The following ARCN1 variants were observed in gnomAD, a reference collection of about 807,000 sequenced individuals.
The protein encoded by ARCN1 is archain 1 coat protein complex I subunit delta, also known as coatomer subunit delta.
In ARCN1, 5 loss-of-function variants were observed where a neutral mutation model predicts 60.4. The observed-to-expected ratio is 0.08, with a 90% CI of 0.04 to 0.17. ARCN1 has a LOEUF of 0.17. Ranked by LOEUF, ARCN1 falls within the 10% of genes least tolerant of loss-of-function variation. The pLI, the probability that ARCN1 is intolerant of heterozygous loss-of-function variation, is 1.00. For missense variants in ARCN1, 464 were observed against 626.5 expected (o/e 0.74, Z 2.77); for synonymous variants, 224 against 220.0 (o/e 1.02, Z -0.16).
rs1555075200 is a variant in ARCN1 at position 118,584,638 on chromosome 11, T to C, written c.812T>C (p.Met271Thr). The change falls in exon 5 of 10, where the codon ATG becomes ACG. Residue 271 changes from methionine (M) to threonine (T), a missense_variant. Coordinates refer to ENST00000264028, the MANE Select transcript of ARCN1 (RefSeq NM_001655.5). ...AAAATGCATGCTCCACCCATTAATA[T>C]GGAAAGGTAAGTAGGAACTTTGAGT... ...ATKMHAPPIN[M>T]ESVHMKIEEK... 1.2e-6 allele frequency: 2 copies of C among 1,600,308 alleles called. No individual in the cohort carries two copies. Among genetic ancestry groups the C allele is most frequent in the Non-Finnish European group, 8.5e-7 (1 of 1,175,740 alleles).
chr11:118,575,583 C>T (rs55844025), intron 1 of ARCN1, among the ~76,000 whole-genome samples: 21,174 of 152,098 alleles, frequency 0.14, 2,073 homozygotes, highest in East Asian at 0.52. Context: ...ATAATAGCTT[C>T]ATATAAATAG....
chr11:118,579,753 T>G (rs1181028725), intron 1 of ARCN1, among the ~76,000 whole-genome samples: 4 of 152,046 alleles, frequency 2.6e-5, no homozygotes, highest in Non-Finnish European at 5.9e-5. Flanking sequence ...TTCACTTATA[T>G]GTATATGTTT....
At chr11:118,582,767 G>A (rs532512805) in intron 2 of ARCN1, among the ~76,000 whole-genome samples, 3 of 150,486 alleles carry the variant, frequency 2.0e-5, no homozygotes, top group Non-Finnish European at 3.0e-5. Context: ...TAGGCTGGGC[G>A]CAGTGGCTCA....
chr11:118,595,858 G>A (rs1939013847), intron 8 of ARCN1, among the ~76,000 whole-genome samples: 1 of 152,168 alleles, frequency 6.6e-6, no homozygotes. Context: ...ACGAGGTCAG[G>A]AGATCGAGAC....
intron 1 of ARCN1, among the ~76,000 whole-genome samples, chr11:118,577,001 A>G (rs1418419975): frequency 6.6e-6 from 1 of 152,046 alleles, no homozygotes; most frequent in Admixed American, 6.6e-5. Flanking sequence ...CCTGGGCAAC[A>G]TGGCAAAACC....
In ARCN1 at chr11:118,575,171, G is replaced by A. The variant is rs1366818994; in HGVS notation, c.3+2621G>A. On this transcript the variant is annotated intron_variant, in intron 1 of 9. Transcript: ENST00000264028. The stretch of plus-strand genomic sequence containing the variant: ...TTTTTTGTATTTTTAGTAGATACGG[G>A]GTTTCACCATGTTAGCCAGGATAGT... Among the ~76,000 whole-genome samples the A allele has an allele frequency of 4.6e-5, 7 of 152,062 alleles. No homozygotes were observed. In the East Asian group the frequency reaches 1.2e-3, roughly 25 times the overall value.
chr11:118,591,046 C>G (rs963704330), intron 6 of ARCN1, among the ~76,000 whole-genome samples: 1 of 152,222 alleles, frequency 6.6e-6, no homozygotes, highest in African/African-American at 2.4e-5. Flanking sequence ...GCGAAATTTA[C>G]TCATTCTGCT....
chr11:118,584,063 C>T lies in ARCN1; in HGVS notation c.653+49C>T, dbSNP rs1272358904. 3 of 1,535,680 alleles carry T rather than the reference C, an allele frequency of 2.0e-6. No homozygotes were observed. The African/African-American group carries it at 4.1e-5, about 21-fold the overall frequency. On this transcript the variant is annotated intron_variant, in intron 4 of 9. Transcript: ENST00000264028. ...TACCAGGTGAAGGGTGTATATGTGTCTATCTTTGAAGTCATAATCTGATTT... is the reference window on the plus strand; with the variant it reads ...TACCAGGTGAAGGGTGTATATGTGTTTATCTTTGAAGTCATAATCTGATTT...
chr11:118,576,571 T>C (rs1411089232), intron 1 of ARCN1, among the ~76,000 whole-genome samples: 2 of 152,100 alleles, frequency 1.3e-5, no homozygotes, highest in African/African-American at 4.8e-5. Context: ...GTTAAACCAG[T>C]AAACATTAAT....
intron 6 of ARCN1, among the ~76,000 whole-genome samples, chr11:118,592,083 G>C (rs2135551100): frequency 6.6e-6 from 1 of 152,036 alleles, no homozygotes; most frequent in African/African-American, 2.4e-5. Flanking sequence ...ACCATGTCCA[G>C]CCCCAGCTAA....
chr11:118,590,616 T>C, intron 6 of ARCN1, 110 bp downstream of exon 6: 1 of 1,097,488 alleles, frequency 9.1e-7, no homozygotes, highest in East Asian at 2.5e-5. Context: ...GTTATATAAC[T>C]AGCATCACTC....
chr11:118,581,733 G>T (rs1424909880), intron 2 of ARCN1, among the ~76,000 whole-genome samples: 1 of 152,098 alleles, frequency 6.6e-6, no homozygotes, highest in Non-Finnish European at 1.5e-5. Flanking sequence ...TCATTTCCCA[G>T]TTCTTAAGCA....
intron 1 of ARCN1, among the ~76,000 whole-genome samples, chr11:118,579,521 CAAAAAAA>C (rs61567269): frequency 1.7e-5 from 2 of 118,318 alleles, no homozygotes; most frequent in Admixed American, 9.0e-5. Context: ...ACTAGAAATA[CAAAAAAA>C]AAAAAAAAAA....
At chr11:118,572,741 TC>T in intron 1 of ARCN1, 191 bp downstream of exon 1, 1 of 569,540 alleles carries the variant, frequency 1.8e-6, no homozygotes, top group Non-Finnish European at 3.0e-6. Context: ...CTGACTCCAG[TC>T]CATCTGTCGT....
At chr11:118,596,012 AGCTGAGATCGC>A (rs1264831846) in intron 8 of ARCN1, among the ~76,000 whole-genome samples, 1 of 151,914 alleles carries the variant, frequency 6.6e-6, no homozygotes, top group Non-Finnish European at 1.5e-5. Context: ...GCTTGCAGTG[AGCTGAGATCGC>A]GCCACTGCAC....
At chr11:118,584,039 A>G in intron 4 of ARCN1, 25 bp downstream of exon 4, 1 of 1,606,944 alleles carries the variant, frequency 6.2e-7, no homozygotes, top group Non-Finnish European at 8.5e-7. Flanking sequence ...ACTTTAGAAT[A>G]CCAGGTGAAG....
At chr11:118,578,273 T>C (rs1258566337) in intron 1 of ARCN1, among the ~76,000 whole-genome samples, 3 of 152,096 alleles carry the variant, frequency 2.0e-5, no homozygotes, top group Admixed American at 6.6e-5. Flanking sequence ...CTTTTGATGT[T>C]TTTACCTAAA....
rs1938702446 is a variant in ARCN1 at position 118,583,335 on chromosome 11, A to G, written c.424A>G (p.Lys142Glu). The G allele has an allele frequency of 3.7e-6, 6 of 1,613,394 alleles. No homozygotes were observed. The highest frequency in any genetic ancestry group is 8.5e-7 in the Non-Finnish European group (1 of 1,179,606). Reference sequence around the variant, plus strand: ...CACAGAAATGGATTCTCATGAGGAGAAGGTGTTCAGAGCCGTCAGAGAGGT... The same window carrying G: ...CACAGAAATGGATTCTCATGAGGAGGAGGTGTTCAGAGCCGTCAGAGAGGT... ...TFTEMDSHEEKVFRAVRETQE... is the reference protein window; with the variant it reads ...TFTEMDSHEEEVFRAVRETQE... Residue 142 changes from lysine (K) to glutamate (E), a missense_variant, in exon 3 of 10, where the codon AAG (lysine) becomes GAG (glutamate). Transcript: ENST00000264028.
intron 6 of ARCN1, among the ~76,000 whole-genome samples, chr11:118,591,292 G>A (rs938517456): frequency 2.6e-5 from 4 of 152,140 alleles, no homozygotes; most frequent in Admixed American, 1.3e-4. Flanking sequence ...TTTCCCCACC[G>A]TAGTCAGCAC....
Sources: allele counts gnomAD v4.1 joint callset (sites outside exome capture counted in the v4.1 genomes callset), GRCh38; gene constraint gnomAD v4.1.1; transcripts MANE v1.5; gene names NCBI Gene and HGNC (gene_info 2026-07-23, HGNC 2026-07-21).